Variants in LACTB2 observed in about 807,000 individuals in gnomAD.
The protein encoded by LACTB2 is lactamase beta 2.
In LACTB2, 32 loss-of-function variants were observed where a neutral mutation model predicts 34.8. The observed-to-expected ratio is 0.92, with a 90% CI of 0.69 to 1.24. The LOEUF (loss-of-function observed/expected upper bound fraction) is 1.24, where lower values mean the gene tolerates loss of function less well. LACTB2 is among the 50% of genes most tolerant of loss of function. LACTB2 has a pLI of 0.00. For missense variants in LACTB2, 320 were observed against 345.0 expected, an observed-to-expected ratio of 0.93 and a Z score of 0.57; for synonymous variants, 120 against 117.5, an observed-to-expected ratio of 1.02 and a Z score of -0.14.
chr8:70,651,191 A>G (rs1563405225), intron 3 of LACTB2, among the ~76,000 whole-genome samples: 2 of 152,196 alleles, frequency 1.3e-5, no homozygotes, highest in South Asian at 2.1e-4. Flanking sequence ...ATGAGATACT[A>G]ATGGAAGCAA....
In LACTB2 at chr8:70,651,250, T is replaced by C. The variant is rs539312190; in HGVS notation, c.413+6506A>G. On this transcript the variant is annotated intron_variant, in intron 3 of 6. Transcript: ENST00000276590. ...GACATTAAGAACTATTATGCTTTTA[T>C]AGTTTCCAAGTATATATTTCATATA... Among the ~76,000 whole-genome samples, 136 of 152,354 alleles carry C rather than the reference T, an allele frequency of 8.9e-4. No individual in the cohort carries two copies. In the Middle Eastern group the frequency reaches 0.02, roughly 23 times the overall value.
intron 2 of LACTB2, 25 bp from the exon 3 acceptor site, chr8:70,657,907 A>G (rs1224620430): frequency 6.7e-6 from 10 of 1,493,584 alleles, no homozygotes; most frequent in Non-Finnish European, 9.2e-6. Flanking sequence ...TATAAAATAT[A>G]TTAATTCACA....
intron 1 of LACTB2, among the ~76,000 whole-genome samples, chr8:70,664,748 G>A (rs1044942009): frequency 2.6e-5 from 4 of 152,112 alleles, no homozygotes; most frequent in African/African-American, 9.7e-5. Flanking sequence ...ACCATTTGGG[G>A]CTTTCATATT....
chr8:70,648,358 CA>C (rs1298283696), intron 3 of LACTB2, among the ~76,000 whole-genome samples: 1 of 152,032 alleles, frequency 6.6e-6, no homozygotes, highest in Non-Finnish European at 1.5e-5. Flanking sequence ...CCAAAACAAC[CA>C]AACCCCACAG....
Position 70,669,117 on chromosome 8 carries a change from C to A in LACTB2, c.4G>T (p.Ala2Ser). 1 of 1,594,690 alleles carries A rather than the reference C, an allele frequency of 6.3e-7. No individual in the cohort carries two copies. M[A>S]AVLQRVERLS... ...CGCTCGACGCGCTGCAGTACAGCAGCCATTCCCGCCTCAGCCGCCCGCCGG... is the reference window on the plus strand; with the variant it reads ...CGCTCGACGCGCTGCAGTACAGCAGACATTCCCGCCTCAGCCGCCCGCCGG... The change falls in exon 1 of 7, where the codon GCT becomes TCT. Residue 2 changes from alanine (A) to serine (S), a missense_variant. Transcript: ENST00000276590.
Position 70,637,785 on chromosome 8 carries a change from A to G in LACTB2, c.*75T>C. 1.2e-6 allele frequency: 1 copy of G among 845,346 alleles called. No homozygotes were observed. The highest frequency in any genetic ancestry group is 1.8e-6 in the Non-Finnish European group (1 of 552,520). The allele number at this position is 845,346 out of a possible 1,614,324, so 52.4% of individuals were successfully genotyped here. The stretch of plus-strand genomic sequence containing the variant: ...AATGTTTTATACTTTTATATTCTCT[A>G]TAAAATAACCTATAGTTAAGAAAAC... On this transcript the variant is annotated 3_prime_UTR_variant, in exon 7 of 7. Transcript: ENST00000276590.
At chr8:70,652,463 A>T (rs980207571) in intron 3 of LACTB2, 1 of 152,260 alleles carries the variant, frequency 6.6e-6, no homozygotes, top group African/African-American at 2.4e-5. Flanking sequence ...AAGATTATTT[A>T]CTACTAGTCA....
chr8:70,640,450 TTC>T (rs1391697926), intron 5 of LACTB2: 1 of 153,056 alleles, frequency 6.5e-6, no homozygotes, highest in East Asian at 1.9e-4. Flanking sequence ...GATTTTTTTT[TTC>T]TTTTTCTCCA....
At chr8:70,668,688 T>C (rs896442320) in intron 1 of LACTB2, among the ~76,000 whole-genome samples, 9 of 151,570 alleles carry the variant, frequency 5.9e-5, no homozygotes, top group African/African-American at 2.2e-4. Context: ...CTCAACAGTT[T>C]AAACACGCAC....
Position 70,657,875 on chromosome 8 carries a change from G to A in LACTB2, c.294C>T (p.Thr98=). 1 of 1,590,008 alleles carries A rather than the reference G, an allele frequency of 6.3e-7. No individual in the cohort carries two copies. The highest frequency in any genetic ancestry group is 8.6e-7 in the Non-Finnish European group (1 of 1,160,364). Residue 98 remains threonine (T), a synonymous_variant, in exon 3 of 7, where the codon ACC becomes ACT. Transcript: ENST00000276590. ...TCCGTGGGAGTTTTTTAATGCAATA[G>A]GTAGTGTCTAGTCATAAAACATATA... ...DICKSINNDT[T]YCIKKLPRNP...
chr8:70,662,162 G>T, intron 1 of LACTB2: 2 of 267,174 alleles, frequency 7.5e-6, no homozygotes, highest in Non-Finnish European at 1.4e-5. Flanking sequence ...AATAAACATG[G>T]CACCATTCCA....
Position 70,660,721 on chromosome 8 carries a change from T to C in LACTB2, c.286+1013A>G, listed in dbSNP as rs778930045. 57 of 456,428 alleles carry C rather than the reference T, an allele frequency of 1.2e-4. 1 individual carries two copies. The highest frequency in any genetic ancestry group is 6.5e-4 in the Middle Eastern group (2 of 3,076). The allele number at this position is 456,428 out of a possible 1,614,324, so 28.3% of individuals were successfully genotyped here. Reference sequence around the variant, plus strand: ...TAACAGCCCTTGCCCTTCTCCACTTTACGCTCTCTTCCCTTTCTCTTCTTG... The same window carrying C: ...TAACAGCCCTTGCCCTTCTCCACTTCACGCTCTCTTCCCTTTCTCTTCTTG... On this transcript the variant is annotated intron_variant, in intron 2 of 6. Transcript: ENST00000276590.
intron 1 of LACTB2, among the ~76,000 whole-genome samples, chr8:70,667,692 C>A (rs1400937800): frequency 6.6e-6 from 1 of 152,200 alleles, no homozygotes; most frequent in East Asian, 1.9e-4. Context: ...TATAGCCCCT[C>A]AACACAAGCC....
At chr8:70,660,842 A>G (rs1458316017) in intron 2 of LACTB2, 1 of 456,148 alleles carries the variant, frequency 2.2e-6, no homozygotes, top group East Asian at 7.0e-5. Flanking sequence ...CAGTGGCACA[A>G]TATTGGCTTA....
chr8:70,646,847 T>TTC (rs1818269920), intron 3 of LACTB2: 1 of 152,248 alleles, frequency 6.6e-6, no homozygotes, highest in Non-Finnish European at 1.5e-5. Flanking sequence ...CTACTTTGAA[T>TTC]TATGTGTTAT....
intron 3 of LACTB2, among the ~76,000 whole-genome samples, chr8:70,657,428 A>ATTT (rs777806428): frequency 1.5e-4 from 17 of 115,814 alleles, no homozygotes; most frequent in East Asian, 4.9e-4. Flanking sequence ...CAGATCTTCT[A>ATTT]TTTTTTTTTT....
intron 3 of LACTB2, among the ~76,000 whole-genome samples, 191 bp downstream of exon 3, chr8:70,657,565 G>C (rs889310449): frequency 2.0e-5 from 3 of 151,792 alleles, no homozygotes; most frequent in African/African-American, 4.8e-5. Context: ...CTGAATAGCA[G>C]GATTATAGGC....
At chr8:70,664,194 C>T (rs887596124) in intron 1 of LACTB2, among the ~76,000 whole-genome samples, 1 of 152,242 alleles carries the variant, frequency 6.6e-6, no homozygotes. Flanking sequence ...TCAGGTAAGG[C>T]TCAAATTTTT....
At chr8:70,655,255 T>C (rs1275136803) in intron 3 of LACTB2, among the ~76,000 whole-genome samples, 1 of 151,582 alleles carries the variant, frequency 6.6e-6, no homozygotes, top group Non-Finnish European at 1.5e-5. Context: ...GTTTCACTCT[T>C]GTTGCCCAGG....
Sources: allele counts gnomAD v4.1 joint callset (sites outside exome capture counted in the v4.1 genomes callset), GRCh38; gene constraint gnomAD v4.1.1; transcripts MANE v1.5; gene names NCBI Gene and HGNC (gene_info 2026-07-23, HGNC 2026-07-21).